DYSF: variants seen among roughly 807,000 people sequenced by gnomAD.
DYSF encodes the protein dystrophy-associated fer-1-like 1.
Under a neutral mutation model 274.9 loss-of-function variants are expected in DYSF, and 212 were observed. That is an observed-to-expected ratio of 0.77 (90% CI 0.69 to 0.86). The LOEUF is 0.86. DYSF is among the 40% of genes least tolerant of loss of function. DYSF has a pLI of 0.00. For missense variants in DYSF, 2,666 were observed against 2,783.2 expected, an observed-to-expected ratio of 0.96 and a Z score of 0.95; for synonymous variants, 1,091 against 1,078.7, an observed-to-expected ratio of 1.01 and a Z score of -0.22.
intron 42 of DYSF, 152 bp from the exon 43 acceptor site, chr2:71,656,010 C>A: frequency 2.8e-6 from 3 of 1,058,788 alleles, no homozygotes; most frequent in African/African-American, 1.6e-5. Context: ...TTTTTGGTCA[C>A]TTTCCCTCCT....
chr2:71,491,933 A>G (rs2083889818), intron 3 of DYSF, among the ~76,000 whole-genome samples: 1 of 152,208 alleles, frequency 6.6e-6, no homozygotes, highest in Non-Finnish European at 1.5e-5. Context: ...GAAGTTGGGA[A>G]AAGGCATAGG....
intron 36 of DYSF, among the ~76,000 whole-genome samples, chr2:71,606,595 A>G (rs2093652373): frequency 6.6e-6 from 1 of 152,114 alleles, no homozygotes. Context: ...ACCAGGCTCA[A>G]GAGCTGGCAG....
intron 52 of DYSF, among the ~76,000 whole-genome samples, chr2:71,678,443 T>C (rs1470924705): frequency 6.6e-6 from 1 of 151,736 alleles, no homozygotes; most frequent in Non-Finnish European, 1.5e-5. Flanking sequence ...AAAGAACAAA[T>C]ATTGTATGAT....
intron 30 of DYSF, among the ~76,000 whole-genome samples, chr2:71,586,293 G>T (rs1328885292): frequency 1.3e-5 from 2 of 152,254 alleles, no homozygotes; most frequent in Admixed American, 6.5e-5. Context: ...GGCTCTGGGG[G>T]GTGTGTCTCC....
At chr2:71,566,210 C>T (rs1371445454) in intron 24 of DYSF, among the ~76,000 whole-genome samples, 1 of 137,618 alleles carries the variant, frequency 7.3e-6, no homozygotes, top group African/African-American at 2.8e-5. Flanking sequence ...GGAAGGCGGT[C>T]TGCGAGAGTG....
intron 30 of DYSF, among the ~76,000 whole-genome samples, chr2:71,577,679 C>A (rs1473005799): frequency 6.6e-6 from 1 of 151,644 alleles, no homozygotes; most frequent in African/African-American, 2.4e-5. Context: ...CCCACACACA[C>A]TCTTTCACAC....
intron 49 of DYSF, 40 bp downstream of exon 49, chr2:71,668,882 G>A (rs768310007): frequency 6.3e-7 from 1 of 1,597,790 alleles, no homozygotes; most frequent in South Asian, 1.1e-5. Flanking sequence ...GGGCTGAGGG[G>A]TGGGGGCGTT....
At chr2:71,482,726 A>G (rs2083032742) in intron 3 of DYSF, among the ~76,000 whole-genome samples, 1 of 152,140 alleles carries the variant, frequency 6.6e-6, no homozygotes, top group South Asian at 2.1e-4. Context: ...GACATAGCAC[A>G]TGAAACTGCT....
chr2:71,646,398 A>G (rs1220380925), intron 42 of DYSF, among the ~76,000 whole-genome samples: 1 of 152,230 alleles, frequency 6.6e-6, no homozygotes, highest in Non-Finnish European at 1.5e-5. Context: ...GGTCTCTGAC[A>G]GCATCCAAGT....
rs866918587 is a variant in DYSF, at chr2:71,598,643, C to A, written c.3654C>A (p.Asp1218Glu). 2 of 1,614,202 alleles carry A rather than the reference C, an allele frequency of 1.2e-6. No homozygotes were observed. Among genetic ancestry groups the A allele is most frequent in the Middle Eastern group, 3.3e-4 (2 of 6,062 alleles). Residue 1218 changes from aspartate to glutamate, a missense_variant, in exon 33 of 56, where the codon GAC (aspartate) becomes GAA (glutamate). Physicochemically the swap from Asp to Glu is conservative, Grantham distance 45. Around this residue, in one of 3 missense-constraint regions of DYSF, gnomAD observed 1,460 missense variants for 1,502.1 expected, o/e 0.97. Transcript: ENST00000410020. ...AGAACACCCTTAACCCCACCTGGGA[C>A]CAGACGCTCATCTTCTACGAGATCG... ...VVKNTLNPTWDQTLIFYEIEI... is the reference protein window; with the variant it reads ...VVKNTLNPTWEQTLIFYEIEI...
intron 45 of DYSF, among the ~76,000 whole-genome samples, chr2:71,663,829 G>A (rs1379133773): frequency 6.6e-6 from 1 of 152,156 alleles, no homozygotes; most frequent in African/African-American, 2.4e-5. Context: ...CCTTGCTCTG[G>A]AGTACCAGTC....
chr2:71,609,476 G>A (rs186003083), intron 36 of DYSF, among the ~76,000 whole-genome samples: 1,535 of 152,254 alleles, frequency 0.01, 20 homozygotes, highest in African/African-American at 0.034. Context: ...AAAAACAATG[G>A]TACTAACAAC....
intron 22 of DYSF, among the ~76,000 whole-genome samples, chr2:71,556,836 TAATATATGCAAATGTGTG>T (rs2091373470): frequency 6.6e-6 from 1 of 152,202 alleles, no homozygotes; most frequent in Admixed American, 6.5e-5. Context: ...TCCACAGGGT[TAATATATGCAAATGTGTG>T]AATATATGCA....
chr2:71,590,376 G>A, intron 32 of DYSF, 88 bp downstream of exon 32: 2 of 1,427,884 alleles, frequency 1.4e-6, no homozygotes, highest in Non-Finnish European at 2.0e-6. Flanking sequence ...AAGGGGTGCT[G>A]TTTGCTGGGT....
Position 71,511,876 on chromosome 2 carries a change from C to T in DYSF, c.415C>T (p.Pro139Ser). The change falls in exon 5 of 56, where the codon CCT becomes TCT. Residue 139 changes from proline to serine, a missense_variant. This residue lies in a region of DYSF where 794 missense variants were observed against 777.1 expected (regional missense o/e 1.02). Coordinates refer to ENST00000410020, the MANE Select transcript of DYSF (RefSeq NM_001130987.2). ...TGTGCCCCTGTTCCCGCCCCCTACT[C>T]CTCTGGAGCCCTCCCCGACTCTGCC... ...GAVPLFPPPTPLEPSPTLPDL... is the reference protein window; with the variant it reads ...GAVPLFPPPTSLEPSPTLPDL... 1 of 1,551,594 alleles carries T rather than the reference C, an allele frequency of 6.4e-7. No individual in the cohort carries two copies.
At chr2:71,570,050 C>T in intron 27 of DYSF, 116 bp downstream of exon 27, 1 of 1,112,626 alleles carries the variant, frequency 9.0e-7, no homozygotes, top group Admixed American at 1.9e-5. Flanking sequence ...CCGGAGACTT[C>T]ATGCTTTGAT....
chr2:71,620,822 A>G (rs1376386389), intron 41 of DYSF, among the ~76,000 whole-genome samples: 2 of 151,980 alleles, frequency 1.3e-5, no homozygotes. Flanking sequence ...CCCCTAGGTT[A>G]CTTCCTGGGA....
intron 9 of DYSF, 49 bp from the exon 10 acceptor site, chr2:71,516,940 G>A: frequency 5.0e-6 from 8 of 1,585,516 alleles, no homozygotes; most frequent in Non-Finnish European, 6.9e-6. Context: ...TTGGCCGTGT[G>A]GGCCACATGT....
intron 17 of DYSF, among the ~76,000 whole-genome samples, chr2:71,547,261 C>T (rs2090550036): frequency 1.3e-5 from 2 of 152,210 alleles, no homozygotes; most frequent in African/African-American, 4.8e-5. Flanking sequence ...AGTCATTGAC[C>T]TAAGACACCA....
Sources: allele counts gnomAD v4.1 joint callset (sites outside exome capture counted in the v4.1 genomes callset), GRCh38; gene constraint gnomAD v4.1.1; regional missense constraint gnomAD v4.1.1; transcripts MANE v1.5; gene names NCBI Gene and HGNC (gene_info 2026-07-23, HGNC 2026-07-21).